SRGAP2C: variants seen among roughly 807,000 people sequenced by gnomAD.
SRGAP2C encodes the protein SLIT-ROBO Rho GTPase-activating protein 2C.
SRGAP2C carries 15 observed loss-of-function variants against 25.1 expected under a neutral mutation model. The ratio of observed to expected loss-of-function variants is 0.60; its 90% confidence interval spans 0.40 to 0.92. SRGAP2C has a LOEUF of 0.92. Among genes scored for constraint, SRGAP2C ranks in the 40% least tolerant of loss-of-function variants. The pLI is 0.00. For synonymous variants in SRGAP2C, 44 were observed against 96.6 expected, an observed-to-expected ratio of 0.46 and a Z score of 3.19; for missense variants, 144 against 264.4, an observed-to-expected ratio of 0.54 and a Z score of 3.16.
Position 121,391,431 on chromosome 1 carries a change from C to T in SRGAP2C, c.*3576C>T, listed in dbSNP as rs587665904. 1.3e-5 allele frequency: 2 copies of T among 152,246 alleles called. No individual in the cohort carries two copies. The highest frequency in any genetic ancestry group is 2.4e-5 in the African/African-American group (1 of 41,536). The allele number at this position is 152,246 out of a possible 1,614,324, so 9.4% of individuals were successfully genotyped here. A position where few individuals can be genotyped will look rare whatever the true frequency, so the allele number is the denominator to read the frequency against. ...CACACTTTGTGCCGGCTTTAAAGAA[C>T]CCAGCACAAAGCCAGTCTGCATGGC... On this transcript the variant is annotated 3_prime_UTR_variant, in exon 10 of 10. Transcript: ENST00000367123.
intron 3 of SRGAP2C, among the ~76,000 whole-genome samples, chr1:121,300,544 T>TG (rs1553338749): frequency 2.9e-4 from 21 of 72,066 alleles, no homozygotes; most frequent in Middle Eastern, 5.9e-3. Flanking sequence ...ACATGAGATT[T>TG]GGGGGGGGAC....
intron 4 of SRGAP2C, among the ~76,000 whole-genome samples, chr1:121,338,665 G>T (rs1363442043): frequency 4.5e-5 from 5 of 111,244 alleles, no homozygotes; most frequent in Admixed American, 1.0e-4. Context: ...AGATTAATTT[G>T]AATTCTTTGC....
intron 2 of SRGAP2C, among the ~76,000 whole-genome samples, chr1:121,219,043 T>C (rs1257145459): frequency 6.6e-6 from 1 of 152,232 alleles, no homozygotes; most frequent in African/African-American, 2.4e-5. Context: ...CCTTCAAATT[T>C]CTTCCAAGCA....
intron 4 of SRGAP2C, among the ~76,000 whole-genome samples, chr1:121,337,571 G>T (rs1381820976): frequency 2.4e-4 from 36 of 152,036 alleles, no homozygotes; most frequent in African/African-American, 8.0e-4. Context: ...GGCAGAGGTT[G>T]CAGTGAGCCA....
At chr1:121,357,148 A>G (rs1277091329) in intron 4 of SRGAP2C, among the ~76,000 whole-genome samples, 2 of 135,338 alleles carry the variant, frequency 1.5e-5, no homozygotes, top group African/African-American at 5.8e-5. Flanking sequence ...CAGGGCCACT[A>G]GCATTACTTG....
At chr1:121,328,889 T>TAAAAAAAAAAAAA (rs1300958463) in intron 4 of SRGAP2C, among the ~76,000 whole-genome samples, 1 of 75,228 alleles carries the variant, frequency 1.3e-5, no homozygotes, top group African/African-American at 4.7e-5. Context: ...CCTGTCTGTT[T>TAAAAAAAAAAAAA]AAAAAAAAAA....
chr1:121,305,650 T>TC (rs1409993099), intron 3 of SRGAP2C, among the ~76,000 whole-genome samples: 1 of 57,078 alleles, frequency 1.8e-5, no homozygotes, highest in Non-Finnish European at 3.5e-5. Context: ...TTCCAGCTGT[T>TC]CTGAATCTTG....
At chr1:121,295,142 G>C (rs1456617455) in intron 3 of SRGAP2C, among the ~76,000 whole-genome samples, 2 of 105,914 alleles carry the variant, frequency 1.9e-5, no homozygotes, top group Non-Finnish European at 4.0e-5. Flanking sequence ...GGCACAGCTA[G>C]AAGAAAGAAC....
intron 2 of SRGAP2C, among the ~76,000 whole-genome samples, chr1:121,273,830 T>C (rs1454634561): frequency 2.6e-5 from 4 of 151,760 alleles, no homozygotes; most frequent in Non-Finnish European, 5.9e-5. Flanking sequence ...TCACTCCAAG[T>C]CTCATGCTTC....
chr1:121,319,350 CTAGG>C (rs1658152468), intron 3 of SRGAP2C, among the ~76,000 whole-genome samples: 1 of 151,640 alleles, frequency 6.6e-6, no homozygotes, highest in African/African-American at 2.4e-5. Context: ...AGGAGAGCGT[CTAGG>C]ATTTTACAGC....
intron 4 of SRGAP2C, among the ~76,000 whole-genome samples, chr1:121,345,603 T>C (rs1658722781): frequency 1.3e-5 from 2 of 151,858 alleles, no homozygotes. Flanking sequence ...AAATATCACA[T>C]TTTTTATAGA....
intron 2 of SRGAP2C, among the ~76,000 whole-genome samples, chr1:121,192,411 T>C (rs1315575321): frequency 6.6e-6 from 1 of 151,770 alleles, no homozygotes; most frequent in African/African-American, 2.4e-5. Flanking sequence ...TCTGCAGCAG[T>C]AAGGTGAACT....
In SRGAP2C at chr1:121,392,488, TA is replaced by T. The variant is rs2101691996; in HGVS notation, c.*4634del. 1 of 150,920 alleles carries T rather than the reference TA, an allele frequency of 6.6e-6. No homozygotes were observed. The highest frequency in any genetic ancestry group is 2.1e-4 in the South Asian group (1 of 4,774). The allele number at this position is 150,920 out of a possible 1,614,324, so 9.3% of individuals were successfully genotyped here. On this transcript the variant is annotated 3_prime_UTR_variant, in exon 10 of 10. Transcript: ENST00000367123. ...CTCCCTTTAGTTCTCTTTTGAGATT[TA>T]TAGTCACTCAAATAAAGAGATAACC...
At chr1:121,228,716 A>G (rs1553327045) in intron 2 of SRGAP2C, among the ~76,000 whole-genome samples, 1 of 152,000 alleles carries the variant, frequency 6.6e-6, no homozygotes, top group African/African-American at 2.4e-5. Context: ...GATACTGGTG[A>G]CTTAAAAGCA....
chr1:121,272,360 G>A (rs1656986937), intron 2 of SRGAP2C, among the ~76,000 whole-genome samples: 1 of 150,176 alleles, frequency 6.7e-6, no homozygotes, highest in African/African-American at 2.5e-5. Context: ...TAGCTAGTAG[G>A]TGGTGGAGCT....
intron 3 of SRGAP2C, among the ~76,000 whole-genome samples, chr1:121,309,271 T>A (rs1466589662): frequency 1.1e-3 from 85 of 79,126 alleles, no homozygotes; most frequent in Non-Finnish European, 1.5e-3. Flanking sequence ...GCTTATCCCA[T>A]TTATTTATTT....
At chr1:121,209,903 T>C (rs1338872237) in intron 2 of SRGAP2C, among the ~76,000 whole-genome samples, 1 of 129,518 alleles carries the variant, frequency 7.7e-6, no homozygotes, top group African/African-American at 3.1e-5. Flanking sequence ...TATATAAAAC[T>C]TATTATGCAA....
intron 2 of SRGAP2C, among the ~76,000 whole-genome samples, chr1:121,248,525 C>T (rs1467087834): frequency 6.8e-6 from 1 of 146,184 alleles, no homozygotes; most frequent in Non-Finnish European, 1.5e-5. Context: ...TGGCTCACTG[C>T]AAGCTCCGCC....
chr1:121,274,526 G>A (rs1334957672), intron 2 of SRGAP2C, among the ~76,000 whole-genome samples: 1 of 87,270 alleles, frequency 1.1e-5, no homozygotes, highest in Admixed American at 1.3e-4. Flanking sequence ...GCTAAGCTGG[G>A]TCCTGCACAA....
Sources: allele counts gnomAD v4.1 joint callset (sites outside exome capture counted in the v4.1 genomes callset), GRCh38; gene constraint gnomAD v4.1.1; transcripts MANE v1.5; gene names NCBI Gene and HGNC (gene_info 2026-07-23, HGNC 2026-07-21).